Variants in GNG2 observed in about 807,000 individuals in gnomAD.
The protein encoded by GNG2 is guanine nucleotide-binding protein G(I)/G(S)/G(O) subunit gamma-2.
In GNG2, 5 loss-of-function variants were observed where a neutral mutation model predicts 5.5. The ratio of observed to expected loss-of-function variants is 0.91; its 90% confidence interval spans 0.48 to 1.92. GNG2 has a LOEUF of 1.92. GNG2 is among the 30% of genes most tolerant of loss of function. GNG2 has a pLI of 0.01. For missense variants in GNG2, 55 were observed against 88.4 expected (o/e 0.62, Z 1.52); for synonymous variants, 28 against 32.0 (o/e 0.88, Z 0.42).
intron 3 of GNG2, among the ~76,000 whole-genome samples, chr14:51,957,015 C>T (rs537369512): frequency 6.6e-6 from 1 of 151,986 alleles, no homozygotes; most frequent in East Asian, 1.9e-4. Context: ...TGCCCCACCC[C>T]GCCACCCCCA....
chr14:51,923,567 TACACAC>T (rs142081387), intron 2 of GNG2, among the ~76,000 whole-genome samples: 3 of 150,000 alleles, frequency 2.0e-5, no homozygotes, highest in Non-Finnish European at 4.4e-5. Context: ...AAACACACAA[TACACAC>T]ACACACACAC....
intron 2 of GNG2, among the ~76,000 whole-genome samples, chr14:51,893,851 C>T (rs563510906): frequency 6.6e-6 from 1 of 152,258 alleles, no homozygotes; most frequent in Non-Finnish European, 1.5e-5. Context: ...CTTTTATCTA[C>T]TGAATTGGAA....
At chr14:51,883,331 C>T (rs1206820484) in intron 2 of GNG2, among the ~76,000 whole-genome samples, 3 of 152,240 alleles carry the variant, frequency 2.0e-5, no homozygotes, top group Non-Finnish European at 2.9e-5. Context: ...AGCATTCAAA[C>T]TTCCTAGCCA....
At chr14:51,897,267 A>C (rs1259110628) in intron 2 of GNG2, among the ~76,000 whole-genome samples, 1 of 152,246 alleles carries the variant, frequency 6.6e-6, no homozygotes, top group African/African-American at 2.4e-5. Context: ...AATACGGTAG[A>C]GTCAAGTCAT....
intron 2 of GNG2, among the ~76,000 whole-genome samples, chr14:51,885,614 C>T (rs949658148): frequency 3.3e-5 from 5 of 152,090 alleles, no homozygotes; most frequent in Admixed American, 6.6e-5. Flanking sequence ...CACACACCCC[C>T]GCCCCCAAAC....
chr14:51,961,321 G>A (rs887919821), intron 3 of GNG2, among the ~76,000 whole-genome samples: 1 of 152,064 alleles, frequency 6.6e-6, no homozygotes, highest in Non-Finnish European at 1.5e-5. Context: ...ATTATTGCAA[G>A]TATCCAGACT....
At chr14:51,894,334 T>C (rs929921936) in intron 2 of GNG2, among the ~76,000 whole-genome samples, 2 of 152,048 alleles carry the variant, frequency 1.3e-5, no homozygotes, top group Non-Finnish European at 2.9e-5. Context: ...GTGATAAATA[T>C]AAAAATAAAT....
intron 2 of GNG2, among the ~76,000 whole-genome samples, chr14:51,886,188 C>A (rs1022415486): frequency 6.6e-6 from 1 of 152,192 alleles, no homozygotes; most frequent in Non-Finnish European, 1.5e-5. Context: ...CATGAAGAAG[C>A]ATGACATATC....
chr14:51,854,204 G>A (rs1389165906), intron 2 of GNG2, among the ~76,000 whole-genome samples: 1 of 152,114 alleles, frequency 6.6e-6, no homozygotes, highest in African/African-American at 2.4e-5. Flanking sequence ...GATCTTCAGG[G>A]ACTTTGTGGA....
At chr14:51,851,857 G>T (rs56212921) in intron 2 of GNG2, among the ~76,000 whole-genome samples, 1 of 152,130 alleles carries the variant, frequency 6.6e-6, no homozygotes, top group African/African-American at 2.4e-5. Context: ...ACGTCCTTCA[G>T]ATATAAAACC....
intron 2 of GNG2, among the ~76,000 whole-genome samples, chr14:51,840,713 G>A (rs1228337309): frequency 6.6e-6 from 1 of 152,228 alleles, no homozygotes; most frequent in Non-Finnish European, 1.5e-5. Context: ...TCTGCCCATA[G>A]GTCAAGCAAC....
chr14:51,951,152 C>T (rs73297018), intron 3 of GNG2, among the ~76,000 whole-genome samples: 3,895 of 152,192 alleles, frequency 0.026, 167 homozygotes, highest in African/African-American at 0.088. Flanking sequence ...GCTAAATGTC[C>T]GTATTTTGGG....
chr14:51,939,797 T>C, intron 2 of GNG2: 1 of 152,170 alleles, frequency 6.6e-6, no homozygotes, highest in African/African-American at 2.4e-5. Flanking sequence ...AAATTGCTGT[T>C]ATGTATGTGA....
chr14:51,852,396 C>T (rs1017896186), intron 2 of GNG2, among the ~76,000 whole-genome samples: 3 of 152,244 alleles, frequency 2.0e-5, no homozygotes, highest in Admixed American at 2.0e-4. Flanking sequence ...GCACTGAGCA[C>T]TGTGCAAGGC....
intron 2 of GNG2, among the ~76,000 whole-genome samples, chr14:51,907,088 T>C (rs2140192425): frequency 6.6e-6 from 1 of 152,260 alleles, no homozygotes; most frequent in Admixed American, 6.5e-5. Context: ...TCCGTGACTT[T>C]ATCACTAAGC....
chr14:51,882,278 T>C (rs1884131380), intron 2 of GNG2, among the ~76,000 whole-genome samples: 1 of 152,224 alleles, frequency 6.6e-6, no homozygotes, highest in African/African-American at 2.4e-5. Context: ...ATGTGAATTT[T>C]ACCTCAATTT....
intron 2 of GNG2, among the ~76,000 whole-genome samples, chr14:51,906,566 AT>A (rs996237497): frequency 1.3e-4 from 20 of 152,170 alleles, no homozygotes; most frequent in Non-Finnish European, 2.2e-4. Context: ...TTTTAAAAGC[AT>A]TTTATAAATC....
intron 1 of GNG2, among the ~76,000 whole-genome samples, chr14:51,877,152 C>T (rs548672887): frequency 2.6e-4 from 39 of 152,272 alleles, no homozygotes; most frequent in African/African-American, 9.1e-4. Flanking sequence ...TCCTAAAGGG[C>T]CAGATACACA....
intron 2 of GNG2, among the ~76,000 whole-genome samples, chr14:51,838,101 G>A (rs1189711852): frequency 1.3e-5 from 2 of 151,948 alleles, no homozygotes; most frequent in African/African-American, 4.8e-5. Context: ...ATTGTTAACA[G>A]TACCTTATGC....
Sources: gnomAD v4.1 joint callset for allele counts (sites outside exome capture counted in the v4.1 genomes callset) on GRCh38, gnomAD v4.1.1 for gene constraint, MANE v1.5 for transcripts, NCBI Gene and HGNC (gene_info 2026-07-23, HGNC 2026-07-21) for gene names.